The following AGBL2 variants were observed in gnomAD, a reference collection of about 807,000 sequenced individuals.
The protein encoded by AGBL2 is cytosolic carboxypeptidase 2.
Under a neutral mutation model 103.0 loss-of-function variants are expected in AGBL2, and 87 were observed. The observed-to-expected ratio is 0.84, with a 90% CI of 0.71 to 1.01. The LOEUF (loss-of-function observed/expected upper bound fraction) is 1.01, where lower values mean the gene tolerates loss of function less well. Ranked by LOEUF, AGBL2 falls within the 50% of genes least tolerant of loss-of-function variation. The probability of loss-of-function intolerance (pLI) is 0.00; values close to 1 mark genes in which losing one functional copy is unlikely to be tolerated. For synonymous variants in AGBL2, 335 were observed against 356.7 expected, an observed-to-expected ratio of 0.94 and a Z score of 0.69; for missense variants, 904 against 1,023.5, an observed-to-expected ratio of 0.88 and a Z score of 1.59.
In AGBL2 at chr11:47,668,897, A is replaced by T; in HGVS notation, c.2158T>A (p.Ser720Thr). The stretch of plus-strand genomic sequence containing the variant: ...AGACCATCTGAGAGAGAACTGTCAG[A>T]GCCACTGGTGCTGTTTCCAAAAGAA... ...LSDIESSTSGSDSSLSDGLPV... is the reference protein window; with the variant it reads ...LSDIESSTSGTDSSLSDGLPV... Residue 720 changes from serine to threonine, a missense_variant, in exon 15 of 19, where the codon TCT becomes ACT. Transcript: ENST00000525123. The T allele has an allele frequency of 6.2e-7, 1 of 1,612,932 alleles. No individual in the cohort carries two copies. Among genetic ancestry groups the T allele is most frequent in the South Asian group, 1.1e-5 (1 of 91,046 alleles).
chr11:47,689,894 T>C (rs1014181232), intron 10 of AGBL2, among the ~76,000 whole-genome samples, 182 bp downstream of exon 10: 1 of 152,136 alleles, frequency 6.6e-6, no homozygotes, highest in African/African-American at 2.4e-5. Flanking sequence ...AGACAAGACA[T>C]GATTTAAAAG....
chr11:47,683,721 G>A (rs1321143734), intron 11 of AGBL2, among the ~76,000 whole-genome samples: 1 of 151,098 alleles, frequency 6.6e-6, no homozygotes, highest in Non-Finnish European at 1.5e-5. Context: ...ACAGTGAGCT[G>A]AGACACACCA....
intron 15 of AGBL2, among the ~76,000 whole-genome samples, 171 bp from the exon 16 acceptor site, chr11:47,667,867 C>T (rs1437872575): frequency 6.6e-6 from 1 of 152,124 alleles, no homozygotes; most frequent in Non-Finnish European, 1.5e-5. Context: ...CTGGAGGATG[C>T]TTCCTACTTA....
At chr11:47,713,166 C>T (rs1325489084) in intron 3 of AGBL2, among the ~76,000 whole-genome samples, 3 of 151,660 alleles carry the variant, frequency 2.0e-5, no homozygotes, top group Admixed American at 6.6e-5. Flanking sequence ...ATGTTGAAAC[C>T]CCGTCTCTAC....
chr11:47,712,663 G>T (rs190191706), intron 3 of AGBL2, among the ~76,000 whole-genome samples: 286 of 152,324 alleles, frequency 1.9e-3, no homozygotes, highest in Middle Eastern at 0.014. Flanking sequence ...CAGCACTTTG[G>T]GAGGCCAAGG....
chr11:47,667,481 G>T, intron 16 of AGBL2, 90 bp downstream of exon 16: 1 of 1,456,096 alleles, frequency 6.9e-7, no homozygotes, highest in Non-Finnish European at 9.3e-7. Context: ...TCCCCTTTTT[G>T]GTTTAGAGTA....
chr11:47,710,591 C>T (rs1357405921), intron 3 of AGBL2, 80 bp from the exon 4 acceptor site: 21 of 1,529,304 alleles, frequency 1.4e-5, no homozygotes, highest in African/African-American at 2.7e-5. Context: ...CAAACCACTA[C>T]TCCTTTTATC....
chr11:47,709,241 T>C (rs1486268283), intron 4 of AGBL2, among the ~76,000 whole-genome samples: 4 of 151,708 alleles, frequency 2.6e-5, no homozygotes, highest in African/African-American at 7.3e-5. Flanking sequence ...ATGTGGAAAA[T>C]TGATTGGAGG....
intron 18 of AGBL2, among the ~76,000 whole-genome samples, chr11:47,661,284 G>A (rs1014696517): frequency 6.6e-6 from 1 of 152,162 alleles, no homozygotes; most frequent in Admixed American, 6.6e-5. Flanking sequence ...GTATGTTTCA[G>A]TTCTGGGATA....
At chr11:47,677,899 T>A (rs551338438) in intron 13 of AGBL2, among the ~76,000 whole-genome samples, 1 of 152,186 alleles carries the variant, frequency 6.6e-6, no homozygotes, top group African/African-American at 2.4e-5. Flanking sequence ...CAAATAGAAA[T>A]TTTTTTAGGG....
At chr11:47,665,060 C>T (rs1565000181) in intron 17 of AGBL2, among the ~76,000 whole-genome samples, 2 of 144,034 alleles carry the variant, frequency 1.4e-5, no homozygotes, top group African/African-American at 2.5e-5. Context: ...TTTTTTTCTT[C>T]TTTTTTTTTT....
In AGBL2 at chr11:47,667,961, C is replaced by T. The variant is rs545559891; in HGVS notation, c.2215-265G>A. The stretch of plus-strand genomic sequence containing the variant: ...TGGTGGCTCATGCCTGTAATCCCAA[C>T]ACTTGGGGAGGCTGAAGCGGGTGGA... On this transcript the variant is annotated intron_variant, in intron 15 of 18. Coordinates refer to ENST00000525123, the MANE Select transcript of AGBL2 (RefSeq NM_024783.4). Among the ~76,000 whole-genome samples the T allele has an allele frequency of 8.5e-5, 13 of 152,302 alleles. No homozygotes were observed. In the South Asian group the frequency reaches 2.5e-3, roughly 29 times the overall value.
intron 14 of AGBL2, among the ~76,000 whole-genome samples, chr11:47,669,259 G>A (rs2097350096): frequency 6.6e-6 from 1 of 152,098 alleles, no homozygotes. Flanking sequence ...GTAGTCACAG[G>A]ATCCCACTAT....
At chr11:47,710,684 A>G (rs945992222) in intron 3 of AGBL2, 173 bp from the exon 4 acceptor site, 6 of 759,444 alleles carry the variant, frequency 7.9e-6, no homozygotes, top group Non-Finnish European at 1.4e-5. Flanking sequence ...TGAGTGAAGC[A>G]TAATTATCCC....
intron 11 of AGBL2, among the ~76,000 whole-genome samples, chr11:47,682,408 A>G (rs556050960): frequency 4.9e-4 from 75 of 152,262 alleles, no homozygotes; most frequent in Non-Finnish European, 8.8e-4. Flanking sequence ...ATGTTTTCCA[A>G]ACATTTTTGC....
At chr11:47,661,272 T>C (rs1483334598) in intron 18 of AGBL2, among the ~76,000 whole-genome samples, 2 of 152,198 alleles carry the variant, frequency 1.3e-5, no homozygotes, top group Admixed American at 1.3e-4. Context: ...ACAACCTAAT[T>C]AGTATGTTTC....
chr11:47,678,343 A>ATTATTATTATTATTTTTTTTT (rs2097385523), intron 13 of AGBL2, among the ~76,000 whole-genome samples: 1 of 116,762 alleles, frequency 8.6e-6, no homozygotes, highest in Admixed American at 9.1e-5. Flanking sequence ...TTATTATTTT[A>ATTATTATTATTATTTTTTTTT]TTTTTTTTGA....
chr11:47,689,937 G>C (rs924623653), intron 10 of AGBL2, 139 bp downstream of exon 10: 1 of 678,072 alleles, frequency 1.5e-6, no homozygotes, highest in Admixed American at 3.5e-5. Context: ...TGACTACAAA[G>C]AGACTGGTAA....
In AGBL2 at chr11:47,687,134, TA is replaced by T. The variant is rs201354384; in HGVS notation, c.1632-1086del. ...CCTGAAACTTAAAGTATAATAATAA[TA>T]AAAAAATAAATAAATAAATAATAAA... is the stretch of plus-strand genomic sequence containing the variant. On this transcript the variant is annotated intron_variant, in intron 10 of 18. Coordinates refer to ENST00000525123, the MANE Select transcript of AGBL2 (RefSeq NM_024783.4). Among the ~76,000 whole-genome samples, 243 of 125,664 alleles carry T rather than the reference TA, an allele frequency of 1.9e-3. 3 individuals carry two copies. In the South Asian group the frequency reaches 0.022, roughly 11 times the overall value. 82.4% of individuals were successfully genotyped at this position (125,664 alleles called of 152,430 possible).
Sources: gnomAD v4.1 joint callset for allele counts (sites outside exome capture counted in the v4.1 genomes callset) on GRCh38, gnomAD v4.1.1 for gene constraint, MANE v1.5 for transcripts, NCBI Gene and HGNC (gene_info 2026-07-23, HGNC 2026-07-21) for gene names.